Variants in WDPCP observed in about 807,000 individuals in gnomAD.
The protein encoded by WDPCP is WD repeat containing planar cell polarity effector, also known as WD repeat-containing and planar cell polarity effector protein fritz homolog.
A neutral mutation model predicts 93.1 loss-of-function variants in WDPCP; 71 were observed. That is an observed-to-expected ratio of 0.76 (90% CI 0.63 to 0.93). The LOEUF is 0.93. WDPCP is among the 40% of genes least tolerant of loss of function. WDPCP has a pLI of 0.00. For synonymous variants in WDPCP, 315 were observed against 315.0 expected, an observed-to-expected ratio of 1.00 and a Z score of 0.00; for missense variants, 844 against 887.4, an observed-to-expected ratio of 0.95 and a Z score of 0.62.
At chr2:63,806,275 G>T (rs1670761636) in intron 2 of WDPCP, among the ~76,000 whole-genome samples, 1 of 152,120 alleles carries the variant, frequency 6.6e-6, no homozygotes, top group Non-Finnish European at 1.5e-5. Flanking sequence ...GTCCGGGGGG[G>T]ACATCACATG....
chr2:63,294,996 C>T (rs374220799), intron 13 of WDPCP, among the ~76,000 whole-genome samples: 24 of 151,906 alleles, frequency 1.6e-4, no homozygotes, highest in African/African-American at 5.8e-4. Context: ...AGTTTTGTGA[C>T]ATTAAAAACC....
intron 2 of WDPCP, among the ~76,000 whole-genome samples, chr2:63,676,875 G>A (rs977958885): frequency 6.6e-6 from 1 of 152,124 alleles, no homozygotes; most frequent in African/African-American, 2.4e-5. Context: ...TTGTGCCAAT[G>A]TTCGTTTTTT....
intron 2 of WDPCP, among the ~76,000 whole-genome samples, chr2:63,790,762 T>C (rs1302359194): frequency 6.6e-6 from 1 of 152,182 alleles, no homozygotes; most frequent in African/African-American, 2.4e-5. Flanking sequence ...AAAGAGAACA[T>C]GTAAATAAAA....
intron 1 of WDPCP, among the ~76,000 whole-genome samples, chr2:63,547,774 A>C (rs1480817952): frequency 6.6e-6 from 1 of 150,854 alleles, no homozygotes; most frequent in Non-Finnish European, 1.5e-5. Flanking sequence ...GGCTCTCATG[A>C]AGATAGAGAA....
At chr2:63,636,590 A>G (rs763578331) in intron 3 of WDPCP, among the ~76,000 whole-genome samples, 24 of 152,034 alleles carry the variant, frequency 1.6e-4, no homozygotes, top group Non-Finnish European at 2.9e-4. Context: ...TACATACCAC[A>G]TGCCTGGCTA....
intron 2 of WDPCP, among the ~76,000 whole-genome samples, chr2:63,664,506 T>G (rs1260381339): frequency 1.3e-5 from 2 of 152,228 alleles, no homozygotes; most frequent in Non-Finnish European, 2.9e-5. Flanking sequence ...GGACTCCTTC[T>G]TTCTGCACCG....
intron 15 of WDPCP, among the ~76,000 whole-genome samples, chr2:63,156,034 C>T (rs2103847978): frequency 6.6e-6 from 1 of 152,258 alleles, no homozygotes; most frequent in African/African-American, 2.4e-5. Context: ...GAGTCTCGCT[C>T]TGTTGCTCAG....
At chr2:63,293,352 C>G (rs1684589069) in intron 13 of WDPCP, among the ~76,000 whole-genome samples, 1 of 152,110 alleles carries the variant, frequency 6.6e-6, no homozygotes. Context: ...GGCCCACAGT[C>G]AGCCTAAAAC....
intron 13 of WDPCP, among the ~76,000 whole-genome samples, chr2:63,282,272 T>C (rs1373529742): frequency 6.6e-6 from 1 of 152,116 alleles, no homozygotes; most frequent in East Asian, 1.9e-4. Flanking sequence ...TTTGGGAGGC[T>C]GAGGCAGGTG....
intron 1 of WDPCP, among the ~76,000 whole-genome samples, chr2:63,517,096 C>T (rs761361209): frequency 8.5e-5 from 13 of 152,164 alleles, no homozygotes; most frequent in Non-Finnish European, 1.8e-4. Flanking sequence ...CTTTCTATTT[C>T]TTCATCTCTA....
chr2:63,699,846 G>C (rs1300698287), intron 2 of WDPCP, among the ~76,000 whole-genome samples: 1 of 152,142 alleles, frequency 6.6e-6, no homozygotes, highest in African/African-American at 2.4e-5. Context: ...ACAAAACACA[G>C]TTAACTGGGA....
intron 1 of WDPCP, among the ~76,000 whole-genome samples, chr2:63,562,576 G>A (rs185576230): frequency 6.6e-6 from 1 of 152,194 alleles, no homozygotes; most frequent in Non-Finnish European, 1.5e-5. Flanking sequence ...TCACCTACCA[G>A]TTACAGAATC....
intron 2 of WDPCP, among the ~76,000 whole-genome samples, chr2:63,683,902 T>A (rs1668768309): frequency 6.6e-6 from 1 of 150,796 alleles, no homozygotes; most frequent in African/African-American, 2.4e-5. Flanking sequence ...ATAAAGGGGT[T>A]AATTCAGCAA....
At chr2:63,388,781 G>A (rs1434756542) in intron 10 of WDPCP, among the ~76,000 whole-genome samples, 1 of 152,182 alleles carries the variant, frequency 6.6e-6, no homozygotes, top group Non-Finnish European at 1.5e-5. Context: ...ATTCAATCAA[G>A]TGGAAGAAAG....
chr2:63,578,486 T>C (rs576623821), intron 1 of WDPCP, among the ~76,000 whole-genome samples: 1 of 152,170 alleles, frequency 6.6e-6, no homozygotes, highest in African/African-American at 2.4e-5. Flanking sequence ...AGATATTCCA[T>C]GAAAAGAAAT....
At chr2:63,236,538 G>T (rs1436615775) in intron 14 of WDPCP, among the ~76,000 whole-genome samples, 1 of 152,078 alleles carries the variant, frequency 6.6e-6, no homozygotes, top group Non-Finnish European at 1.5e-5. Flanking sequence ...TAAGCAAAAA[G>T]AATAAAGCTG....
upstream of WDPCP, among the ~76,000 whole-genome samples, chr2:63,832,430 G>C (rs72891012): frequency 0.1 from 14,941 of 147,048 alleles, 1,186 homozygotes; most frequent in African/African-American, 0.23. Context: ...GTGTTGGGGT[G>C]GGGGGGGGAA....
chr2:63,263,304 A>C (rs1681802871), intron 13 of WDPCP, among the ~76,000 whole-genome samples: 1 of 152,246 alleles, frequency 6.6e-6, no homozygotes, highest in Non-Finnish European at 1.5e-5. Flanking sequence ...TTGAAACTTA[A>C]TTGCCAATGC....
At chr2:63,757,030 A>G (rs1396099448) in intron 2 of WDPCP, among the ~76,000 whole-genome samples, 1 of 152,138 alleles carries the variant, frequency 6.6e-6, no homozygotes, top group African/African-American at 2.4e-5. Flanking sequence ...GGGTACTACA[A>G]TGTGGAGTAT....
Sources: allele counts gnomAD v4.1 joint callset (sites outside exome capture counted in the v4.1 genomes callset), GRCh38; gene constraint gnomAD v4.1.1; transcripts MANE v1.5; gene names NCBI Gene and HGNC (gene_info 2026-07-23, HGNC 2026-07-21).